PCED1B: variants seen among roughly 807,000 people sequenced by gnomAD.
PCED1B encodes PC-esterase domain-containing protein 1B.
For synonymous variants in PCED1B, 251 were observed against 246.1 expected, an observed-to-expected ratio of 1.02 and a Z score of -0.19; for missense variants, 573 against 573.9, an observed-to-expected ratio of 1.00 and a Z score of 0.02.
At chr12:47,122,377 C>A (rs1939716774) in intron 2 of PCED1B, among the ~76,000 whole-genome samples, 1 of 152,304 alleles carries the variant, frequency 6.6e-6, no homozygotes, top group South Asian at 2.1e-4. Flanking sequence ...AGAAAGCCAA[C>A]TGGATCCATA....
intron 2 of PCED1B, chr12:47,210,107 A>G (rs1416938570): frequency 2.0e-5 from 3 of 152,250 alleles, no homozygotes; most frequent in African/African-American, 7.2e-5. Flanking sequence ...GTTTTGGAAA[A>G]TAACATGATT....
rs1937875148 is a variant in PCED1B at position 47,084,236 on chromosome 12, A to T, written c.-609+4511A>T. Among the ~76,000 whole-genome samples the T allele has an allele frequency of 2.0e-5, 3 of 152,216 alleles. No individual in the cohort carries two copies. In the South Asian group the frequency reaches 6.2e-4, roughly 32 times the overall value. Reference sequence around the variant, plus strand: ...AATCGTCTAACACAAAGTCTATATTATATTTAAAAAAGTGTTGAATTGCTC... The same window carrying T: ...AATCGTCTAACACAAAGTCTATATTTTATTTAAAAAAGTGTTGAATTGCTC... On this transcript the variant is annotated intron_variant, in intron 1 of 3. Transcript: ENST00000546455.
intron 3 of PCED1B, among the ~76,000 whole-genome samples, chr12:47,231,391 G>A (rs969105022): frequency 3.3e-5 from 1 of 30,184 alleles, no homozygotes; most frequent in Non-Finnish European, 5.9e-5. Context: ...GTCGCTAGGA[G>A]ATAATTGGAG....
At chr12:47,121,075 A>G (rs1008889977) in intron 2 of PCED1B, among the ~76,000 whole-genome samples, 3 of 152,178 alleles carry the variant, frequency 2.0e-5, no homozygotes, top group Non-Finnish European at 4.4e-5. Flanking sequence ...AATTGTGGTG[A>G]TGGTTCCACA....
chr12:47,217,471 AG>A (rs1943312695), intron 3 of PCED1B, among the ~76,000 whole-genome samples: 2 of 22,158 alleles, frequency 9.0e-5, no homozygotes, highest in East Asian at 2.2e-3. Context: ...AGAAAGAAAG[AG>A]AAAGAAAGAA....
At chr12:47,087,886 A>G (rs542449875) in intron 1 of PCED1B, among the ~76,000 whole-genome samples, 70 of 152,320 alleles carry the variant, frequency 4.6e-4, no homozygotes, top group African/African-American at 1.6e-3. Context: ...ATAAGCAAGG[A>G]AAGTAGTGTC....
intron 2 of PCED1B, among the ~76,000 whole-genome samples, chr12:47,120,795 C>A (rs987646381): frequency 6.6e-5 from 10 of 151,816 alleles, no homozygotes; most frequent in Admixed American, 1.3e-4. Flanking sequence ...GAGTGAAATT[C>A]CATCTCAAAA....
chr12:47,089,817 A>G (rs1326792147), intron 1 of PCED1B, among the ~76,000 whole-genome samples: 1 of 152,012 alleles, frequency 6.6e-6, no homozygotes, highest in Non-Finnish European at 1.5e-5. Context: ...TGTGTCACCC[A>G]GGCTGGAGTG....
At chr12:47,208,707 T>G (rs1310601443) in intron 2 of PCED1B, 1 of 152,112 alleles carries the variant, frequency 6.6e-6, no homozygotes, top group Non-Finnish European at 1.5e-5. Context: ...GGTCTCACTA[T>G]GTTGCCTAGA....
intron 2 of PCED1B, among the ~76,000 whole-genome samples, chr12:47,178,824 G>A (rs756775430): frequency 4.3e-5 from 6 of 140,088 alleles, no homozygotes; most frequent in Non-Finnish European, 4.5e-5. Flanking sequence ...CCGTGATCAC[G>A]CCACTGCACT....
At chr12:47,138,839 A>G (rs534017210) in intron 2 of PCED1B, among the ~76,000 whole-genome samples, 4 of 152,334 alleles carry the variant, frequency 2.6e-5, no homozygotes, top group Admixed American at 2.6e-4. Context: ...CCACTTGTTT[A>G]CCATCTTGAA....
chr12:47,218,083 G>A (rs548794549), intron 3 of PCED1B, among the ~76,000 whole-genome samples: 1 of 152,198 alleles, frequency 6.6e-6, no homozygotes, highest in Admixed American at 6.5e-5. Flanking sequence ...AACATCTGTA[G>A]AGTTTACACA....
chr12:47,118,546 C>G (rs12300589), intron 2 of PCED1B, among the ~76,000 whole-genome samples: 13,018 of 152,048 alleles, frequency 0.086, 867 homozygotes, highest in African/African-American at 0.19. Context: ...TTCCATTGGT[C>G]TATATCTCTG....
chr12:47,090,098 C>T lies in PCED1B; in HGVS notation c.-609+10373C>T, dbSNP rs185595814. 1.8e-3 allele frequency among the ~76,000 whole-genome samples: 279 copies of T among 152,260 alleles called. 2 individuals are homozygous for T. The highest frequency in any genetic ancestry group is 6.4e-3 in the African/African-American group (264 of 41,546). On this transcript the variant is annotated intron_variant, in intron 1 of 3. Transcript: ENST00000546455. ...TGAAGTCTTAATATACAGGAAATAC[C>T]ATGGCCTCATGATTCTGCTCAAATC...
chr12:47,094,040 C>T (rs1360334812), intron 1 of PCED1B, among the ~76,000 whole-genome samples: 3 of 152,088 alleles, frequency 2.0e-5, no homozygotes, highest in African/African-American at 7.2e-5. Flanking sequence ...ATGCCTCCCA[C>T]TGTGAGTGCT....
At chr12:47,146,385 G>T (rs1316318733) in intron 2 of PCED1B, among the ~76,000 whole-genome samples, 1 of 152,162 alleles carries the variant, frequency 6.6e-6, no homozygotes, top group East Asian at 1.9e-4. Flanking sequence ...GCAGTGGCAG[G>T]GTTTGAGGGG....
chr12:47,129,985 T>TA (rs1442761462), intron 2 of PCED1B, among the ~76,000 whole-genome samples: 1 of 152,216 alleles, frequency 6.6e-6, no homozygotes, highest in African/African-American at 2.4e-5. Flanking sequence ...AGAAGAGACT[T>TA]AGTAGGTAAG....
At position 47,156,147 on chromosome 12, in the gene PCED1B, T is replaced by C. The variant is rs368134365; in HGVS notation, c.-526+51952T>C. ...CTAGTACTTTATTCAAAATATACTT[T>C]TTCTTTTTCCTTTTTTCTGTAATTT... On this transcript the variant is annotated intron_variant, in intron 2 of 3. Coordinates refer to ENST00000546455, the MANE Select transcript of PCED1B (RefSeq NM_138371.3). 7.3e-4 allele frequency among the ~76,000 whole-genome samples: 111 copies of C among 152,356 alleles called. 1 individual carries two copies. The highest frequency in any genetic ancestry group is 2.4e-3 in the African/African-American group (99 of 41,586).
At chr12:47,222,474 G>T (rs1392400103) in intron 3 of PCED1B, among the ~76,000 whole-genome samples, 1 of 148,820 alleles carries the variant, frequency 6.7e-6, no homozygotes, top group African/African-American at 2.5e-5. Context: ...ATAGGGGCCT[G>T]CATAGACTGC....
Sources: gnomAD v4.1 joint callset for allele counts (sites outside exome capture counted in the v4.1 genomes callset) on GRCh38, gnomAD v4.1.1 for gene constraint, MANE v1.5 for transcripts, NCBI Gene and HGNC (gene_info 2026-07-23, HGNC 2026-07-21) for gene names.